TNIP2: variants seen among roughly 807,000 people sequenced by gnomAD.
The protein encoded by TNIP2 is TNFAIP3 interacting protein 2.
Under a neutral mutation model 43.7 loss-of-function variants are expected in TNIP2, and 30 were observed. The ratio of observed to expected loss-of-function variants is 0.69; its 90% CI spans 0.51 to 0.93. TNIP2 has a LOEUF of 0.93. Among genes scored for constraint, TNIP2 ranks in the 40% least tolerant of loss-of-function variants. The probability of loss-of-function intolerance (pLI) is 0.00; values close to 1 mark genes in which losing one functional copy is unlikely to be tolerated. For synonymous variants in TNIP2, 260 were observed against 254.6 expected, an observed-to-expected ratio of 1.02 and a Z score of -0.20; for missense variants, 599 against 591.0, an observed-to-expected ratio of 1.01 and a Z score of -0.14.
Position 2,752,030 on chromosome 4 carries a change from G to A in TNIP2, c.276+3984C>T, listed in dbSNP as rs376366859. The stretch of plus-strand genomic sequence containing the variant: ...TGAGGCAGGAGAATCGCTTGAACCC[G>A]GGAGGTGGAGGTTGCACTGAGCCAA... On this transcript the variant is annotated intron_variant, in intron 1 of 5. Transcript: ENST00000315423. 1.4e-4 allele frequency among the ~76,000 whole-genome samples: 21 copies of A among 150,426 alleles called. No individual in the cohort carries two copies. In the East Asian group the frequency reaches 3.3e-3, roughly 24 times the overall value.
chr4:2,748,055 C>A (rs1250417584), intron 1 of TNIP2, 110 bp from the exon 2 acceptor site: 7 of 1,137,932 alleles, frequency 6.2e-6, no homozygotes, highest in Non-Finnish European at 8.6e-6. Context: ...TCACCAGACA[C>A]AAACATACTC....
intron 1 of TNIP2, among the ~76,000 whole-genome samples, chr4:2,754,287 A>G (rs1310804398): frequency 6.6e-6 from 1 of 152,262 alleles, no homozygotes; most frequent in Non-Finnish European, 1.5e-5. Flanking sequence ...CGAATGTTTC[A>G]GATGCTTGCA....
In TNIP2 at chr4:2,756,182, G is replaced by A; in HGVS notation, c.108C>T (p.Asp36=). 1.4e-6 allele frequency: 2 copies of A among 1,477,706 alleles called. No individual in the cohort carries two copies. Among genetic ancestry groups the A allele is most frequent in the East Asian group, 5.9e-5 (2 of 33,818 alleles). The allele number at this position is 1,477,706 out of a possible 1,614,324, so 91.5% of individuals were successfully genotyped here. ...EAGQRLRRLQ[D]QLAARDALIA... ...TGAGGGCGTCGCGGGCAGCGAGCTGGTCCTGCAGGCGGCGCAGCCGCTGTC... is the reference window on the plus strand; with the variant it reads ...TGAGGGCGTCGCGGGCAGCGAGCTGATCCTGCAGGCGGCGCAGCCGCTGTC... The change falls in exon 1 of 6, where the codon GAC becomes GAT. Residue 36 remains aspartate (D), a synonymous_variant. Coordinates refer to ENST00000315423, the MANE Select transcript of TNIP2 (RefSeq NM_024309.4).
chr4:2,750,697 A>G (rs1431356667), intron 1 of TNIP2, among the ~76,000 whole-genome samples: 2 of 147,450 alleles, frequency 1.4e-5, no homozygotes, highest in East Asian at 3.9e-4. Flanking sequence ...TTTTTTTGAT[A>G]AAGACAGGGT....
intron 2 of TNIP2, among the ~76,000 whole-genome samples, chr4:2,746,678 A>G (rs1034379779): frequency 2.0e-5 from 3 of 152,202 alleles, no homozygotes; most frequent in Admixed American, 1.3e-4. Flanking sequence ...GTGTTTCTGC[A>G]TGAACCTTGG....
intron 1 of TNIP2, among the ~76,000 whole-genome samples, chr4:2,755,050 G>A (rs1261448660): frequency 6.6e-6 from 1 of 152,094 alleles, no homozygotes; most frequent in East Asian, 1.9e-4. Context: ...TATCAGACAC[G>A]GGCTGCATTT....
At chr4:2,750,066 G>C (rs149602733) in intron 1 of TNIP2, among the ~76,000 whole-genome samples, 1 of 152,140 alleles carries the variant, frequency 6.6e-6, no homozygotes, top group Non-Finnish European at 1.5e-5. Context: ...GCCTCCCAAA[G>C]TGCTGGGATT....
At chr4:2,743,147 C>T (rs1191516958) in intron 5 of TNIP2, among the ~76,000 whole-genome samples, 4 of 152,170 alleles carry the variant, frequency 2.6e-5, no homozygotes, top group East Asian at 1.9e-4. Flanking sequence ...GGACTTTCCC[C>T]AGTGGGACTA....
chr4:2,751,351 T>G (rs1382084613), intron 1 of TNIP2, among the ~76,000 whole-genome samples: 1 of 152,178 alleles, frequency 6.6e-6, no homozygotes, highest in Non-Finnish European at 1.5e-5. Context: ...GACCCACAAC[T>G]CCATAGCTCC....
chr4:2,747,696 G>A lies in TNIP2; in HGVS notation c.526C>T (p.Gln176Ter). The A allele has an allele frequency of 1.2e-6, 2 of 1,602,158 alleles. No individual in the cohort carries two copies. The highest frequency in any genetic ancestry group is 1.7e-6 in the Non-Finnish European group (2 of 1,179,748). The change falls in exon 2 of 6, where the codon CAG becomes TAG. Residue 176 changes from glutamine (Q) to a stop codon, truncating the protein, a stop_gained. Transcript: ENST00000315423. LOFTEE classifies it high-confidence loss of function. Reference sequence around the variant, plus strand: ...TCCCCCACATTCCTTTGTGCATGCTGTCGTTCATCCAGACACTTGGCCAGA... The same window carrying A: ...TCCCCCACATTCCTTTGTGCATGCTATCGTTCATCCAGACACTTGGCCAGA... ...QHLAKCLDER[Q>*]HAQRNVGERS...
intron 1 of TNIP2, among the ~76,000 whole-genome samples, chr4:2,755,289 A>G (rs1474736964): frequency 6.7e-6 from 1 of 150,226 alleles, no homozygotes; most frequent in East Asian, 1.9e-4. Context: ...CAATACACAC[A>G]GAATACACAC....
At position 2,754,983 on chromosome 4, in the gene TNIP2, G is replaced by T. The variant is rs551181444; in HGVS notation, c.276+1031C>A. On this transcript the variant is annotated intron_variant, in intron 1 of 5. Transcript: ENST00000315423. ...CAGGCAATCTGCCCGCCTTGCCTCC[G>T]AAAGTACTGGGATTACAGGCGTGAG... 2.2e-3 allele frequency among the ~76,000 whole-genome samples: 330 copies of T among 152,194 alleles called. 1 individual carries two copies. Among genetic ancestry groups the T allele is most frequent in the Admixed American group, 5.9e-3 (91 of 15,304 alleles).
chr4:2,752,164 A>G (rs1722119566), intron 1 of TNIP2, among the ~76,000 whole-genome samples: 1 of 152,008 alleles, frequency 6.6e-6, no homozygotes, highest in Admixed American at 6.6e-5. Flanking sequence ...AAAAGAAAAG[A>G]AAGAGCCAAG....
chr4:2,749,965 C>T (rs1007500689), intron 1 of TNIP2, among the ~76,000 whole-genome samples: 13 of 152,112 alleles, frequency 8.5e-5, no homozygotes, highest in Admixed American at 5.9e-4. Context: ...TGCATGCCAC[C>T]GTACCTGGCT....
intron 1 of TNIP2, among the ~76,000 whole-genome samples, chr4:2,752,465 G>A (rs554060938): frequency 1.4e-4 from 22 of 152,294 alleles, no homozygotes; most frequent in African/African-American, 5.3e-4. Flanking sequence ...CACACTGACC[G>A]CAGCTTGATC....
Position 2,756,323 on chromosome 4 carries a change from C to A in TNIP2, c.-34G>T, listed in dbSNP as rs1473762098. On this transcript the variant is annotated 5_prime_UTR_variant, in exon 1 of 6. Transcript: ENST00000315423. ...GCCCGCCCGGGAGGCCGCGCGGCCGCCGGCAACTTCCGCGCCCGGGCCCCG... is the reference window on the plus strand; with the variant it reads ...GCCCGCCCGGGAGGCCGCGCGGCCGACGGCAACTTCCGCGCCCGGGCCCCG... 3 of 1,178,050 alleles carry A rather than the reference C, an allele frequency of 2.5e-6. No homozygotes were observed. The highest frequency in any genetic ancestry group is 3.2e-6 in the Non-Finnish European group (3 of 948,578). 73.0% of individuals were successfully genotyped at this position (1,178,050 alleles called of 1,614,324 possible).
At chr4:2,749,825 A>T (rs10937912) in intron 1 of TNIP2, among the ~76,000 whole-genome samples, 83,275 of 152,000 alleles carry the variant, frequency 0.55, 23,459 homozygotes, top group Admixed American at 0.65. Flanking sequence ...TGACAATTTT[A>T]TTTTGAGATA....
Position 2,751,701 on chromosome 4 carries a change from A to T in TNIP2, c.277-3756T>A, listed in dbSNP as rs558677011. ...GACAGGAGGATCACTTAAGCCCAGG[A>T]GGTCAAGGCTGCAGTGAGCTATGAT... On this transcript the variant is annotated intron_variant, in intron 1 of 5. Coordinates refer to ENST00000315423, the MANE Select transcript of TNIP2 (RefSeq NM_024309.4). Among the ~76,000 whole-genome samples the T allele has an allele frequency of 1.3e-4, 20 of 151,840 alleles. No individual in the cohort carries two copies. The South Asian group carries it at 3.8e-3, about 29-fold the overall frequency.
At chr4:2,743,623 A>G (rs567476096) in intron 5 of TNIP2, among the ~76,000 whole-genome samples, 2 of 152,072 alleles carry the variant, frequency 1.3e-5, no homozygotes, top group Non-Finnish European at 2.9e-5. Flanking sequence ...CCCTGTTCAC[A>G]CCCTGAAACA....
Sources: gnomAD v4.1 joint callset for allele counts (sites outside exome capture counted in the v4.1 genomes callset) on GRCh38, gnomAD v4.1.1 for gene constraint, MANE v1.5 for transcripts, NCBI Gene and HGNC (gene_info 2026-07-23, HGNC 2026-07-21) for gene names.